AARS2: variants seen among roughly 807,000 people sequenced by gnomAD.
AARS2 encodes the protein alanyl-tRNA synthetase 2, mitochondrial.
A neutral mutation model predicts 119.7 loss-of-function variants in AARS2; 78 were observed. The observed-to-expected ratio is 0.65, with a 90% CI of 0.54 to 0.79. The LOEUF is 0.79. Among genes scored for constraint, AARS2 ranks in the 30% least tolerant of loss-of-function variants. The pLI is 0.00. For synonymous variants in AARS2, 502 were observed against 526.3 expected (o/e 0.95, Z 0.63); for missense variants, 1,157 against 1,291.3 (o/e 0.90, Z 1.59).
rs774607571 is a variant in AARS2, at chr6:44,304,702, G to A, written c.1695C>T (p.Tyr565=). Residue 565 remains tyrosine (Y), a synonymous_variant, in exon 12 of 22, where the codon TAC becomes TAT. Transcript: ENST00000244571. ...CGLLLDRTNF[Y]AEQGGQASDR... ...CTGAAGCCTGGCCCCCCTGTTCTGCGTAGAAGTTGGTCCTGTCCAAGAGGA... is the reference window on the plus strand; with the variant it reads ...CTGAAGCCTGGCCCCCCTGTTCTGCATAGAAGTTGGTCCTGTCCAAGAGGA... The A allele has an allele frequency of 2.5e-5, 40 of 1,614,122 alleles. No homozygotes were observed. Among genetic ancestry groups the A allele is most frequent in the Non-Finnish European group, 3.0e-5 (35 of 1,180,050 alleles).
At chr6:44,303,000 C>A in intron 16 of AARS2, 66 bp downstream of exon 16, 1 of 1,607,132 alleles carries the variant, frequency 6.2e-7, no homozygotes, top group African/African-American at 1.3e-5. Flanking sequence ...GCTGATGGCT[C>A]CAAAGACCAA....
In AARS2 at chr6:44,303,396, C is replaced by T; in HGVS notation, c.2035G>A (p.Ala679Thr). 6.2e-7 allele frequency: 1 copy of T among 1,613,996 alleles called. No homozygotes were observed. The highest frequency in any genetic ancestry group is 1.7e-5 in the Admixed American group (1 of 60,026). The change falls in exon 15 of 22, where the codon GCA becomes ACA. Residue 679 changes from alanine (A) to threonine (T), a missense_variant. Transcript: ENST00000244571. ...GCCTCCTGCACAGTGTTCTCCACTG[C>T]CCGGAGCTGCTCTGGGGTCAATGGG... Reference protein sequence around the residue: ...QTPLTPEQLRAVENTVQEAVG... With the variant: ...QTPLTPEQLRTVENTVQEAVG...
chr6:44,311,421 G>A lies in AARS2; in HGVS notation c.550C>T (p.Leu184=). The A allele has an allele frequency of 6.2e-7, 1 of 1,614,178 alleles. No homozygotes were observed. Residue 184 remains leucine (L), a synonymous_variant, in exon 3 of 22, where the codon CTG becomes TTG. Transcript: ENST00000244571. ...GDPKAGLDPD[L]ETRDIWLSLG... is the part of the protein sequence containing the mutation. ...CTCAGCCAGATGTCCCTGGTCTCCA[G>A]GTCTGGGTCCAGCCCTGCCTTGGGG...
At chr6:44,301,771 A>AGGG (rs1785377340) in intron 19 of AARS2, among the ~76,000 whole-genome samples, 1 of 152,296 alleles carries the variant, frequency 6.6e-6, no homozygotes, top group Middle Eastern at 3.4e-3. Context: ...GGCGGGAGAA[A>AGGG]GGGGGATCCA....
At chr6:44,303,235 T>A (rs1017277903) in intron 15 of AARS2, 51 bp downstream of exon 15, 1 of 1,613,854 alleles carries the variant, frequency 6.2e-7, no homozygotes, top group Non-Finnish European at 8.5e-7. Context: ...AGCCTCCAGG[T>A]ATGCCTGAAG....
chr6:44,302,652 T>C, intron 17 of AARS2, 139 bp from the exon 18 acceptor site: 2 of 1,495,416 alleles, frequency 1.3e-6, no homozygotes, highest in Non-Finnish European at 9.2e-7. Context: ...TCAAAACACA[T>C]GCCAGCTGCC....
At position 44,307,430 on chromosome 6, in the gene AARS2, G is replaced by A. The variant is rs1300407985; in HGVS notation, c.895-36C>T. The A allele has an allele frequency of 6.4e-7, 1 of 1,572,432 alleles. No homozygotes were observed. Among genetic ancestry groups the A allele is most frequent in the Non-Finnish European group, 8.6e-7 (1 of 1,162,170 alleles). On this transcript the variant is annotated intron_variant, in intron 5 of 21. Coordinates refer to ENST00000244571, the MANE Select transcript of AARS2 (RefSeq NM_020745.4). This position sits in a 1 kb window ranked among gnomAD's most constrained non-coding sequence, Gnocchi z 4.4. ...GAAGAGTCAGCCAGTGGCCCTGCCT[G>A]ACCTGGCCCAGGTGGGTGCTCTTTA...
At position 44,311,505 on chromosome 6, in the gene AARS2, G is replaced by C. The variant is rs775273290; in HGVS notation, c.466C>G (p.Leu156Val). 7.4e-6 allele frequency: 12 copies of C among 1,613,884 alleles called. No homozygotes were observed. The highest frequency in any genetic ancestry group is 1.6e-4 in the Middle Eastern group (1 of 6,076). ...TCAGGGATCCCATAGACCTGAGTCA[G>C]CAGTTCCCAGGCCATGTTACAAGCC... is the stretch of plus-strand genomic sequence containing the variant. ...EEACNMAWEL[L>V]TQVYGIPEER... Residue 156 changes from leucine (L) to valine (V), a missense_variant, in exon 3 of 22, where the codon CTG becomes GTG. By Grantham distance (32) the Leu-to-Val change is conservative (BLOSUM62 1). Transcript: ENST00000244571.
Position 44,310,342 on chromosome 6 carries a change from T to C in AARS2, c.851A>G (p.Tyr284Cys), listed in dbSNP as rs1583059448. The C allele has an allele frequency of 6.2e-7, 1 of 1,612,900 alleles. No homozygotes were observed. The highest frequency in any genetic ancestry group is 2.2e-5 in the East Asian group (1 of 44,868). Reference protein sequence around the residue: ...VAVLQGKHSTYDTDLFSPLLN... With the variant: ...VAVLQGKHSTCDTDLFSPLLN... Reference sequence around the variant, plus strand: ...CAGCGGGGAAAAGAGGTCAGTGTCATAGGTGGAGTGTTTGCCTTGCAGCAC... The same window carrying C: ...CAGCGGGGAAAAGAGGTCAGTGTCACAGGTGGAGTGTTTGCCTTGCAGCAC... Residue 284 changes from tyrosine to cysteine, a missense_variant, in exon 5 of 22, where the codon TAT becomes TGT. By Grantham distance (194) the Tyr-to-Cys change is radical. Transcript: ENST00000244571.
chr6:44,307,536 G>A lies in AARS2; in HGVS notation c.895-142C>T, dbSNP rs1399781953. On this transcript the variant is annotated intron_variant, in intron 5 of 21. Transcript: ENST00000244571. This position sits in a 1 kb window ranked among gnomAD's most constrained non-coding sequence, Gnocchi z 4.4. ...TGCCAGTCCAGTCCTGGGCTGAGAA[G>A]CCTCACAGATGAGCACAAGCCAGGC... 2.7e-6 allele frequency: 3 copies of A among 1,114,024 alleles called. No homozygotes were observed. The highest frequency in any genetic ancestry group is 2.6e-5 in the East Asian group (1 of 38,472). The allele number at this position is 1,114,024 out of a possible 1,614,324, so 69.0% of individuals were successfully genotyped here.
intron 1 of AARS2, among the ~76,000 whole-genome samples, 194 bp downstream of exon 1, chr6:44,312,887 C>A (rs1181959355): frequency 6.6e-6 from 1 of 152,188 alleles, no homozygotes; most frequent in Non-Finnish European, 1.5e-5. Context: ...TCCAGAAGTT[C>A]CCAGCTCAAG....
At position 44,303,924 on chromosome 6, in the gene AARS2, G is replaced by A. The variant is rs325000; in HGVS notation, c.2007+257C>T. 0.67 allele frequency among the ~76,000 whole-genome samples: 101,187 copies of A among 151,996 alleles called. 35,027 individuals are homozygous for A. Among genetic ancestry groups the A allele is most frequent in the Non-Finnish European group, 0.77 (52,016 of 67,960 alleles). The stretch of plus-strand genomic sequence containing the variant: ...AAACAAGGAAGGGGAGCGGCTGGAG[G>A]TGAAGGGAAGGCCCCTGCTGGAGGG... On this transcript the variant is annotated intron_variant, in intron 14 of 21. Coordinates refer to ENST00000244571, the MANE Select transcript of AARS2 (RefSeq NM_020745.4).
Position 44,299,836 on chromosome 6 carries a change from C to T in AARS2, c.*711G>A, listed in dbSNP as rs976422293. 6.5e-6 allele frequency: 1 copy of T among 152,752 alleles called. No individual in the cohort carries two copies. Among genetic ancestry groups the T allele is most frequent in the Admixed American group, 6.5e-5 (1 of 15,356 alleles). The allele number at this position is 152,752 out of a possible 1,614,324, so 9.5% of individuals were successfully genotyped here. On this transcript the variant is annotated 3_prime_UTR_variant, in exon 22 of 22. Coordinates refer to ENST00000244571, the MANE Select transcript of AARS2 (RefSeq NM_020745.4). The stretch of plus-strand genomic sequence containing the variant: ...TGTTGCCTGGCACGCAGAGCCTGTC[C>T]GAACACTCATGGCAATGAAGATGGC...
rs1350244091 is a variant in AARS2 at position 44,300,412 on chromosome 6, C to T, written c.*135G>A. On this transcript the variant is annotated 3_prime_UTR_variant, in exon 22 of 22. Coordinates refer to ENST00000244571, the MANE Select transcript of AARS2 (RefSeq NM_020745.4). ...TCCTTGTGTCACGTAGGCCCTGGCC[C>T]AGGTGATCTTCTTTGGCTCAGCTGC... The T allele has an allele frequency of 2.3e-6, 3 of 1,302,950 alleles. No homozygotes were observed. 80.7% of individuals were successfully genotyped at this position (1,302,950 alleles called of 1,614,324 possible).
At chr6:44,312,418 A>G (rs1322514322) in intron 1 of AARS2, among the ~76,000 whole-genome samples, 155 bp from the exon 2 acceptor site, 1 of 152,142 alleles carries the variant, frequency 6.6e-6, no homozygotes, top group Non-Finnish European at 1.5e-5. Context: ...ACAAACTGGG[A>G]GCCTCGGGAC....
chr6:44,310,149 T>C, intron 5 of AARS2, 150 bp downstream of exon 5: 1 of 1,085,168 alleles, frequency 9.2e-7, no homozygotes, highest in Non-Finnish European at 1.4e-6. Context: ...TAATGAATCC[T>C]AGTGTCTTGC....
Position 44,307,444 on chromosome 6 carries a change from G to A in AARS2, c.895-50C>T. On this transcript the variant is annotated intron_variant, in intron 5 of 21. Coordinates refer to ENST00000244571, the MANE Select transcript of AARS2 (RefSeq NM_020745.4). The surrounding 1 kb of genome is among the most constrained non-coding windows in gnomAD (Gnocchi z 4.4). ...TGGCCCTGCCTGACCTGGCCCAGGT[G>A]GGTGCTCTTTATCGCCTCTAGAGCA... 6.4e-7 allele frequency: 1 copy of A among 1,558,524 alleles called. No homozygotes were observed.
intron 1 of AARS2, among the ~76,000 whole-genome samples, chr6:44,312,790 T>C (rs953563645): frequency 2.0e-5 from 3 of 152,208 alleles, no homozygotes; most frequent in Admixed American, 6.5e-5. Flanking sequence ...GAAAGCGTTA[T>C]CTTTATTTAA....
rs1200844365 is a variant in AARS2 at position 44,302,311 on chromosome 6, G to GGA, written c.2487+78_2487+79dup. The GGA allele has an allele frequency of 1.7e-5, 28 of 1,613,060 alleles. No individual in the cohort carries two copies. In the African/African-American group the frequency reaches 3.7e-4, roughly 21 times the overall value. ...GAGCCCAACCCAATTGGAGTGCTAGGGAGAGTCTGAAGGAGTCCAGGGAGG... is the reference window on the plus strand; with the variant it reads ...GAGCCCAACCCAATTGGAGTGCTAGGGAGAGAGTCTGAAGGAGTCCAGGGAGG... On this transcript the variant is annotated intron_variant, in intron 18 of 21. Coordinates refer to ENST00000244571, the MANE Select transcript of AARS2 (RefSeq NM_020745.4).
Sources: gnomAD v4.1 joint callset for allele counts (sites outside exome capture counted in the v4.1 genomes callset) on GRCh38, gnomAD v4.1.1 for gene constraint, Gnocchi (gnomAD v3.1) non-coding constraint, MANE v1.5 for transcripts, NCBI Gene and HGNC (gene_info 2026-07-23, HGNC 2026-07-21) for gene names.